Variants in CFAP61 observed in about 807,000 individuals in gnomAD.
CFAP61 encodes the protein cilia- and flagella-associated protein 61.
In CFAP61, 107 loss-of-function variants were observed where a neutral mutation model predicts 135.6. The observed-to-expected ratio is 0.79, with a 90% CI of 0.67 to 0.93. The LOEUF (loss-of-function observed/expected upper bound fraction) is 0.93. CFAP61 is among the 40% of genes least tolerant of loss of function. The probability of loss-of-function intolerance (pLI) is 0.00; values close to 1 mark genes in which losing one functional copy is unlikely to be tolerated. For synonymous variants in CFAP61, 575 were observed against 578.5 expected, an observed-to-expected ratio of 0.99 and a Z score of 0.09; for missense variants, 1,507 against 1,556.2, an observed-to-expected ratio of 0.97 and a Z score of 0.53.
At chr20:20,262,300 G>T (rs1284240189) in intron 20 of CFAP61, among the ~76,000 whole-genome samples, 2 of 152,172 alleles carry the variant, frequency 1.3e-5, no homozygotes, top group Non-Finnish European at 2.9e-5. Context: ...GGTTGGAAAA[G>T]AATATGGACC....
Position 20,159,388 on chromosome 20 carries a change from G to C in CFAP61, c.970G>C (p.Ala324Pro). Residue 324 changes from alanine (A) to proline (P), a missense_variant, in exon 10 of 27, where the codon GCT becomes CCT. Coordinates refer to ENST00000245957, the MANE Select transcript of CFAP61 (RefSeq NM_015585.4). The stretch of plus-strand genomic sequence containing the variant: ...TTTCCAGGGAAATATTGCCAGAGAA[G>C]CTGCATCCGAGGAAGCTTTAACAGC... ...ENIQGNIARE[A>P]ASEEALTAVQ... 6.2e-7 allele frequency: 1 copy of C among 1,613,958 alleles called. No homozygotes were observed. The highest frequency in any genetic ancestry group is 8.5e-7 in the Non-Finnish European group (1 of 1,179,826).
intron 21 of CFAP61, among the ~76,000 whole-genome samples, chr20:20,276,606 GTCT>G (rs549695826): frequency 3.9e-5 from 6 of 152,208 alleles, no homozygotes; most frequent in Admixed American, 3.9e-4. Flanking sequence ...CTCTAGCTAG[GTCT>G]TGACACATTA....
intron 3 of CFAP61, among the ~76,000 whole-genome samples, chr20:20,073,600 C>T (rs994431527): frequency 6.6e-6 from 1 of 152,148 alleles, no homozygotes; most frequent in African/African-American, 2.4e-5. Context: ...ACAGGGGTAC[C>T]GAGTTGAGTG....
At chr20:20,343,155 C>T (rs2058509331) in intron 26 of CFAP61, among the ~76,000 whole-genome samples, 1 of 152,184 alleles carries the variant, frequency 6.6e-6, no homozygotes, top group Non-Finnish European at 1.5e-5. Flanking sequence ...TCGCGCCCGA[C>T]CAGCTTAGAG....
intron 11 of CFAP61, 108 bp downstream of exon 11, chr20:20,164,336 C>G: frequency 9.3e-7 from 1 of 1,075,090 alleles, no homozygotes; most frequent in South Asian, 1.6e-5. Context: ...TGGCCCACAT[C>G]CTAATCTCCT....
At chr20:20,235,667 G>T (rs1202073930) in intron 18 of CFAP61, among the ~76,000 whole-genome samples, 1 of 152,160 alleles carries the variant, frequency 6.6e-6, no homozygotes, top group Non-Finnish European at 1.5e-5. Context: ...GAGGATTAGG[G>T]CCATAATTCT....
chr20:20,257,620 C>CAAAAAAAAAAAAAAAAAAAAAAAAAAA (rs147860452), intron 20 of CFAP61, among the ~76,000 whole-genome samples: 1 of 58,260 alleles, frequency 1.7e-5, no homozygotes, highest in Admixed American at 2.0e-4. Flanking sequence ...TCAAAAAAAA[C>CAAAAAAAAAAAAAAAAAAAAAAAAAAA]AAAAAAACAA....
chr20:20,300,015 A>G (rs921539888), intron 25 of CFAP61, among the ~76,000 whole-genome samples: 1 of 152,226 alleles, frequency 6.6e-6, no homozygotes, highest in Admixed American at 6.5e-5. Flanking sequence ...GGTCACACAT[A>G]TAATCGGAGT....
intron 21 of CFAP61, among the ~76,000 whole-genome samples, chr20:20,274,163 T>C (rs1424903191): frequency 6.6e-6 from 1 of 152,236 alleles, no homozygotes; most frequent in East Asian, 1.9e-4. Flanking sequence ...TTCTAAATGC[T>C]ATTGTTATCA....
chr20:20,137,737 C>T (rs927488613), intron 8 of CFAP61, among the ~76,000 whole-genome samples: 5 of 152,172 alleles, frequency 3.3e-5, no homozygotes, highest in Non-Finnish European at 2.9e-5. Context: ...GTTTGGTGCT[C>T]TTCCCCACTG....
intron 13 of CFAP61, among the ~76,000 whole-genome samples, chr20:20,170,535 T>C (rs1395303679): frequency 6.6e-6 from 1 of 152,198 alleles, no homozygotes; most frequent in East Asian, 1.9e-4. Context: ...TTACAAAATG[T>C]TCTGAGGCTC....
intron 25 of CFAP61, among the ~76,000 whole-genome samples, chr20:20,314,220 CAAAAAA>C (rs74180988): frequency 1.5e-4 from 14 of 95,380 alleles, no homozygotes; most frequent in Middle Eastern, 6.8e-3. Context: ...CCCATCTCTA[CAAAAAA>C]AAAAAAAAAA....
chr20:20,297,365 G>C (rs2055721237), intron 24 of CFAP61, among the ~76,000 whole-genome samples: 1 of 152,162 alleles, frequency 6.6e-6, no homozygotes, highest in South Asian at 2.1e-4. Context: ...ATTGAGCGTT[G>C]CTGTGTACTA....
At chr20:20,315,505 G>A (rs1177428780) in intron 25 of CFAP61, among the ~76,000 whole-genome samples, 5 of 152,116 alleles carry the variant, frequency 3.3e-5, no homozygotes, top group African/African-American at 1.2e-4. Flanking sequence ...CACTCTGATG[G>A]TAGTTTCTTT....
intron 22 of CFAP61, among the ~76,000 whole-genome samples, chr20:20,279,521 C>T (rs1403826515): frequency 6.6e-6 from 1 of 152,026 alleles, no homozygotes; most frequent in Non-Finnish European, 1.5e-5. Context: ...TCATAAAGAT[C>T]TTCGTCCTCA....
intron 6 of CFAP61, among the ~76,000 whole-genome samples, chr20:20,089,587 GAAAA>G (rs11468839): frequency 7.3e-6 from 1 of 136,156 alleles, no homozygotes; most frequent in African/African-American, 2.8e-5. Context: ...GAGTATCAGA[GAAAA>G]AAAAAAAAAA....
intron 21 of CFAP61, among the ~76,000 whole-genome samples, chr20:20,263,853 C>T (rs1227443615): frequency 6.6e-6 from 1 of 152,124 alleles, no homozygotes; most frequent in African/African-American, 2.4e-5. Flanking sequence ...TGGTTAGTGA[C>T]CTGGTTGAGT....
At chr20:20,310,978 C>T (rs76415284) in intron 25 of CFAP61, among the ~76,000 whole-genome samples, 2,007 of 152,348 alleles carry the variant, frequency 0.013, 45 homozygotes, top group African/African-American at 0.046. Context: ...CGTCCACGTC[C>T]TGCACAGGGC....
At chr20:20,358,653 CTA>C (rs2059363990) in intron 26 of CFAP61, among the ~76,000 whole-genome samples, 1 of 152,168 alleles carries the variant, frequency 6.6e-6, no homozygotes, top group African/African-American at 2.4e-5. Context: ...CTTTATTGCT[CTA>C]GTTTAAATCT....
Sources: allele counts gnomAD v4.1 joint callset (sites outside exome capture counted in the v4.1 genomes callset), GRCh38; gene constraint gnomAD v4.1.1; transcripts MANE v1.5; gene names NCBI Gene and HGNC (gene_info 2026-07-23, HGNC 2026-07-21).